Variants in FRMD6 observed in about 807,000 individuals in gnomAD.
FRMD6 encodes FERM domain-containing protein 6.
In FRMD6, 37 loss-of-function variants were observed where a neutral mutation model predicts 73.2. The observed-to-expected ratio is 0.51, with a 90% CI of 0.39 to 0.66. The LOEUF (loss-of-function observed/expected upper bound fraction) is 0.66, where lower values mean the gene tolerates loss of function less well. FRMD6 is among the 30% of genes least tolerant of loss of function. The pLI, the probability that FRMD6 is intolerant of heterozygous loss-of-function variation, is 0.00. For missense variants in FRMD6, 714 were observed against 780.5 expected (o/e 0.91, Z 1.02); for synonymous variants, 273 against 282.2 (o/e 0.97, Z 0.33).
At chr14:51,542,136 G>C (rs952893335) in intron 1 of FRMD6, among the ~76,000 whole-genome samples, 5 of 151,758 alleles carry the variant, frequency 3.3e-5, no homozygotes, top group African/African-American at 1.2e-4. Flanking sequence ...TTATTATTTT[G>C]GTAAAATACA....
intron 1 of FRMD6, among the ~76,000 whole-genome samples, chr14:51,685,089 C>CA (rs1464053817): frequency 6.6e-6 from 1 of 152,280 alleles, no homozygotes; most frequent in East Asian, 1.9e-4. Context: ...GTTTCCTTAA[C>CA]ATACCATAAG....
intron 1 of FRMD6, among the ~76,000 whole-genome samples, chr14:51,502,210 C>A (rs2140216674): frequency 6.6e-6 from 1 of 152,256 alleles, no homozygotes; most frequent in African/African-American, 2.4e-5. Context: ...TAATTAGATT[C>A]TATTTGTCAA....
At chr14:51,510,344 G>A (rs556588488) in intron 1 of FRMD6, among the ~76,000 whole-genome samples, 26 of 152,256 alleles carry the variant, frequency 1.7e-4, no homozygotes, top group African/African-American at 6.0e-4. Flanking sequence ...CTAAGGCCCC[G>A]TTTACCAACT....
chr14:51,528,807 C>A (rs1885409583), intron 1 of FRMD6, among the ~76,000 whole-genome samples: 1 of 152,182 alleles, frequency 6.6e-6, no homozygotes, highest in Non-Finnish European at 1.5e-5. Flanking sequence ...GCAGAGAAAT[C>A]TTCCAGCAAA....
chr14:51,498,813 A>T (rs772137715), intron 1 of FRMD6, among the ~76,000 whole-genome samples: 15 of 152,222 alleles, frequency 9.9e-5, no homozygotes, highest in Non-Finnish European at 2.1e-4. Context: ...CCTGGGAGGC[A>T]TGATGAGTTG....
intron 2 of FRMD6, among the ~76,000 whole-genome samples, chr14:51,571,126 C>T (rs778837805): frequency 6.6e-6 from 1 of 152,204 alleles, no homozygotes; most frequent in South Asian, 2.1e-4. Context: ...CTAACCCCAG[C>T]ACTTTGGGAG....
intron 1 of FRMD6, among the ~76,000 whole-genome samples, chr14:51,495,466 A>G (rs1346484138): frequency 6.6e-6 from 1 of 152,246 alleles, no homozygotes; most frequent in Non-Finnish European, 1.5e-5. Context: ...GTCAAATAGA[A>G]TGACAAATTT....
intron 2 of FRMD6, among the ~76,000 whole-genome samples, chr14:51,620,020 G>A (rs1485347189): frequency 6.6e-6 from 1 of 152,290 alleles, no homozygotes; most frequent in African/African-American, 2.4e-5. Context: ...GATAGGACAA[G>A]TTAATTCACC....
chr14:51,583,625 A>G (rs1210017449), intron 2 of FRMD6, among the ~76,000 whole-genome samples: 3 of 152,316 alleles, frequency 2.0e-5, no homozygotes. Flanking sequence ...CACATGGTGA[A>G]TCTGAGCCAC....
chr14:51,589,611 C>T (rs555827552), intron 2 of FRMD6, among the ~76,000 whole-genome samples: 1 of 151,938 alleles, frequency 6.6e-6, no homozygotes, highest in East Asian at 1.9e-4. Flanking sequence ...TCATTCCTGG[C>T]TCATTTTCTG....
At chr14:51,413,003 T>A in the FRMD6 span, among the ~76,000 whole-genome samples, 1 of 149,516 alleles carries the variant, frequency 6.7e-6, no homozygotes, top group Non-Finnish European at 1.5e-5. Context: ...TTTTTTTTTT[T>A]TTTTTTGAGA....
In FRMD6 at chr14:51,538,833, C is replaced by G. The variant is rs541126540; in HGVS notation, c.-209-31515C>G. Reference sequence around the variant, plus strand: ...TAAGGTTTGAAATTGGGAAATATGTCCTCTGCTTTTTCATTTTAGGATCAT... The same window carrying G: ...TAAGGTTTGAAATTGGGAAATATGTGCTCTGCTTTTTCATTTTAGGATCAT... On this transcript the variant is annotated intron_variant, in intron 1 of 14. Coordinates refer to the FRMD6 transcript ENST00000356218. Among the ~76,000 whole-genome samples, 269 of 152,170 alleles carry G rather than the reference C, an allele frequency of 1.8e-3. 1 individual carries two copies. The highest frequency in any genetic ancestry group is 3.3e-3 in the Non-Finnish European group (222 of 67,984).
At chr14:51,510,711 T>A (rs994004559) in intron 1 of FRMD6, among the ~76,000 whole-genome samples, 1 of 152,198 alleles carries the variant, frequency 6.6e-6, no homozygotes, top group African/African-American at 2.4e-5. Context: ...GCCTGGTAAT[T>A]GGTCTCTACA....
intron 1 of FRMD6, among the ~76,000 whole-genome samples, chr14:51,671,839 C>A (rs558056605): frequency 3.7e-4 from 57 of 152,246 alleles, no homozygotes; most frequent in Non-Finnish European, 7.1e-4. Context: ...CTTGTTCATG[C>A]CCTAATTTAA....
At chr14:51,647,409 C>T (rs1006143211), upstream of FRMD6, among the ~76,000 whole-genome samples, 5 of 152,076 alleles carry the variant, frequency 3.3e-5, no homozygotes, top group Non-Finnish European at 1.5e-5. Flanking sequence ...GCATTAAAGT[C>T]TCTTTGGGTA....
intron 1 of FRMD6, among the ~76,000 whole-genome samples, chr14:51,526,636 C>A (rs1231608689): frequency 6.6e-6 from 1 of 152,148 alleles, no homozygotes; most frequent in Admixed American, 6.5e-5. Context: ...CTGAGGCAAC[C>A]CAACTTAAGA....
intron 1 of FRMD6, among the ~76,000 whole-genome samples, chr14:51,497,635 G>A (rs372330728): frequency 6.6e-6 from 1 of 152,148 alleles, no homozygotes; most frequent in South Asian, 2.1e-4. Context: ...TAGATGCAGT[G>A]TATCTAAAAC....
the FRMD6 span, among the ~76,000 whole-genome samples, chr14:51,472,464 T>C: frequency 2.6e-5 from 4 of 152,138 alleles, no homozygotes; most frequent in East Asian, 1.9e-4. Context: ...CCACCACGCC[T>C]GGCTAATTTT....
chr14:51,402,717 C>T, the FRMD6 span, among the ~76,000 whole-genome samples: 32,771 of 150,644 alleles, frequency 0.22, 4,215 homozygotes, highest in East Asian at 0.5. Flanking sequence ...CGGCTCACTG[C>T]AAGCTCTGCC....
Sources: gnomAD v4.1 joint callset for allele counts (sites outside exome capture counted in the v4.1 genomes callset) on GRCh38, gnomAD v4.1.1 for gene constraint, MANE v1.5 for transcripts, NCBI Gene and HGNC (gene_info 2026-07-23, HGNC 2026-07-21) for gene names.